The following SEC24A variants were observed in gnomAD, a reference collection of about 807,000 sequenced individuals.
SEC24A encodes the protein SEC24 homolog A, COPII component.
SEC24A carries 93 observed loss-of-function variants against 129.4 expected under a neutral mutation model. The observed-to-expected ratio is 0.72, with a 90% confidence interval of 0.61 to 0.85. SEC24A has a LOEUF of 0.85. Ranked by LOEUF, SEC24A falls within the 40% of genes least tolerant of loss-of-function variation. The pLI is 0.00. For missense variants in SEC24A, 1,264 were observed against 1,307.4 expected (o/e 0.97, Z 0.51); for synonymous variants, 460 against 467.3 (o/e 0.98, Z 0.20).
intron 1 of SEC24A, among the ~76,000 whole-genome samples, chr5:134,660,489 A>T (rs1349758170): frequency 1.3e-5 from 2 of 151,772 alleles, no homozygotes; most frequent in Non-Finnish European, 2.9e-5. Context: ...GACCCAACAT[A>T]TGCTTATATA....
intron 13 of SEC24A, among the ~76,000 whole-genome samples, chr5:134,695,688 G>A (rs1321718448): frequency 6.6e-6 from 1 of 152,158 alleles, no homozygotes; most frequent in African/African-American, 2.4e-5. Flanking sequence ...AGGAGGCTGA[G>A]GCAGGAGAAT....
chr5:134,675,720 G>A (rs899359566), intron 6 of SEC24A, among the ~76,000 whole-genome samples: 6 of 152,088 alleles, frequency 3.9e-5, no homozygotes, highest in Non-Finnish European at 8.8e-5. Context: ...CATCACCTAA[G>A]TTTAATTTAA....
intron 1 of SEC24A, among the ~76,000 whole-genome samples, chr5:134,657,688 C>T (rs113420232): frequency 6.6e-4 from 100 of 152,154 alleles, no homozygotes; most frequent in African/African-American, 2.1e-3. Context: ...GTGATCCTCC[C>T]GCCTCAGCCT....
chr5:134,659,856 A>AT (rs1318223114), intron 1 of SEC24A, among the ~76,000 whole-genome samples: 1 of 151,784 alleles, frequency 6.6e-6, no homozygotes, highest in East Asian at 1.9e-4. Flanking sequence ...TCTTACTATT[A>AT]TGTCCAGGCT....
intron 4 of SEC24A, among the ~76,000 whole-genome samples, chr5:134,672,408 T>A (rs772212698): frequency 1.1e-4 from 17 of 151,992 alleles, no homozygotes; most frequent in Non-Finnish European, 2.4e-4. Context: ...GGCTGTCCTC[T>A]AACTCCTGAC....
chr5:134,697,384 A>G, intron 14 of SEC24A, 138 bp downstream of exon 14: 1 of 683,066 alleles, frequency 1.5e-6, no homozygotes, highest in Non-Finnish European at 2.4e-6. Context: ...TTAGTCTATT[A>G]AAAACCTTAT....
Position 134,726,300 on chromosome 5 carries a change from A to G in SEC24A, c.*1206A>G, listed in dbSNP as rs1266140610. The G allele has an allele frequency of 1.3e-5, 2 of 152,616 alleles. No homozygotes were observed. Among genetic ancestry groups the G allele is most frequent in the African/African-American group, 4.8e-5 (2 of 41,466 alleles). 9.5% of individuals were successfully genotyped at this position (152,616 alleles called of 1,614,324 possible). A position where few individuals can be genotyped will look rare whatever the true frequency, so the allele number is the denominator to read the frequency against. On this transcript the variant is annotated 3_prime_UTR_variant, in exon 23 of 23. Transcript: ENST00000398844. ...ATTTGTATATTTAAAGTGCTGTGACATAGTATCTTTAAGAGTTTGGCTCAG... is the reference window on the plus strand; with the variant it reads ...ATTTGTATATTTAAAGTGCTGTGACGTAGTATCTTTAAGAGTTTGGCTCAG...
chr5:134,713,874 CAAA>C (rs151183691), intron 18 of SEC24A, among the ~76,000 whole-genome samples: 2 of 94,880 alleles, frequency 2.1e-5, no homozygotes, highest in African/African-American at 7.7e-5. Context: ...ACTAAAAATA[CAAA>C]AAAAAAAAAA....
At chr5:134,658,032 G>C (rs889183401) in intron 1 of SEC24A, among the ~76,000 whole-genome samples, 6 of 152,294 alleles carry the variant, frequency 3.9e-5, no homozygotes, top group African/African-American at 1.4e-4. Flanking sequence ...ACTTTGGGAG[G>C]CTGAGGTGGC....
chr5:134,724,925 C>CGA, intron 22 of SEC24A, 55 bp from the exon 23 acceptor site: 1 of 841,468 alleles, frequency 1.2e-6, no homozygotes, highest in Non-Finnish European at 2.1e-6. Context: ...AGCCTTCTGA[C>CGA]AAGTCTATTT....
At chr5:134,681,299 C>T (rs1473251266) in intron 8 of SEC24A, among the ~76,000 whole-genome samples, 1 of 151,936 alleles carries the variant, frequency 6.6e-6, no homozygotes, top group African/African-American at 2.4e-5. Context: ...ACTCGGGAGG[C>T]TGAGGCAGGA....
Position 134,708,796 on chromosome 5 carries a change from C to G in SEC24A, c.2635C>G (p.Arg879Gly). Reference sequence around the variant, plus strand: ...AGTCATTGACTCCCTTTCAGCTTACCGTTCTTCAGTCTTAAGTAACCAGCA... The same window carrying G: ...AGTCATTGACTCCCTTTCAGCTTACGGTTCTTCAGTCTTAAGTAACCAGCA... ...NAVIDSLSAY[R>G]SSVLSNQQPG... The change falls in exon 18 of 23, where the codon CGT (arginine) becomes GGT (glycine). Residue 879 changes from arginine to glycine, a missense_variant. Physicochemically the swap from Arg to Gly is moderately radical, Grantham distance 125 (BLOSUM62 -2). Coordinates refer to ENST00000398844, the MANE Select transcript of SEC24A (RefSeq NM_021982.3). The G allele has an allele frequency of 6.2e-7, 1 of 1,614,146 alleles. No homozygotes were observed. Among genetic ancestry groups the G allele is most frequent in the South Asian group, 1.1e-5 (1 of 91,084 alleles).
chr5:134,680,621 A>G (rs1029562020), intron 8 of SEC24A, among the ~76,000 whole-genome samples: 3 of 152,028 alleles, frequency 2.0e-5, no homozygotes, highest in Admixed American at 6.6e-5. Context: ...GGCATGAGCC[A>G]CTGCACCCGG....
chr5:134,700,767 G>A (rs777560282), intron 15 of SEC24A, among the ~76,000 whole-genome samples: 8 of 150,420 alleles, frequency 5.3e-5, no homozygotes, highest in Non-Finnish European at 8.9e-5. Context: ...TGTCCAGGCT[G>A]GAGTTCAGTG....
intron 16 of SEC24A, 33 bp from the exon 17 acceptor site, chr5:134,705,294 C>A: frequency 6.8e-7 from 1 of 1,472,740 alleles, no homozygotes; most frequent in Non-Finnish European, 9.5e-7. Context: ...TATATAGTTG[C>A]CCCTCACTGT....
At chr5:134,686,955 A>G (rs1751475905) in intron 10 of SEC24A, 53 bp downstream of exon 10, 4 of 987,998 alleles carry the variant, frequency 4.0e-6, no homozygotes, top group Admixed American at 2.4e-5. Flanking sequence ...TTCTAAATGA[A>G]TAAGTAGTTT....
At chr5:134,701,192 G>A (rs1011634513) in intron 15 of SEC24A, 3 of 152,218 alleles carry the variant, frequency 2.0e-5, no homozygotes, top group Admixed American at 6.6e-5. Context: ...AACACTTCAC[G>A]AATTTACGTG....
At chr5:134,702,710 T>A (rs916693967) in intron 15 of SEC24A, among the ~76,000 whole-genome samples, 6 of 152,198 alleles carry the variant, frequency 3.9e-5, no homozygotes, top group African/African-American at 4.8e-5. Context: ...CTGCCTATTC[T>A]ACCTAGTATT....
At chr5:134,683,305 C>T (rs1448363173) in intron 9 of SEC24A, among the ~76,000 whole-genome samples, 1 of 152,194 alleles carries the variant, frequency 6.6e-6, no homozygotes, top group Non-Finnish European at 1.5e-5. Flanking sequence ...AGGCATGAGC[C>T]ACCGTGCCCG....
Sources: allele counts gnomAD v4.1 joint callset (sites outside exome capture counted in the v4.1 genomes callset), GRCh38; gene constraint gnomAD v4.1.1; transcripts MANE v1.5; gene names NCBI Gene and HGNC (gene_info 2026-07-23, HGNC 2026-07-21).